Variants in FAM78B observed in about 807,000 individuals in gnomAD.
FAM78B encodes protein FAM78B.
Under a neutral mutation model 20.0 loss-of-function variants are expected in FAM78B, and 10 were observed. The observed-to-expected ratio is 0.50, with a 90% CI of 0.31 to 0.85. FAM78B has a LOEUF of 0.85. FAM78B is among the 40% of genes least tolerant of loss of function. The probability of loss-of-function intolerance (pLI) is 0.05; values close to 1 mark genes in which losing one functional copy is unlikely to be tolerated. For synonymous variants in FAM78B, 135 were observed against 132.8 expected, an observed-to-expected ratio of 1.02 and a Z score of -0.12; for missense variants, 283 against 345.0, an observed-to-expected ratio of 0.82 and a Z score of 1.42.
chr1:166,165,169 T>C (rs1446077583), intron 1 of FAM78B: 5 of 152,234 alleles, frequency 3.3e-5, no homozygotes, highest in Non-Finnish European at 7.3e-5. Flanking sequence ...AATTCGGCGG[T>C]GGGCGCCAGG....
chr1:166,122,860 CCT>C (rs762918969), intron 1 of FAM78B, among the ~76,000 whole-genome samples: 1 of 152,176 alleles, frequency 6.6e-6, no homozygotes, highest in African/African-American at 2.4e-5. Context: ...CTCCTGGAAG[CCT>C]CTGTTTTCAG....
At chr1:166,091,480 A>C (rs1158742996) in intron 1 of FAM78B, among the ~76,000 whole-genome samples, 1 of 152,200 alleles carries the variant, frequency 6.6e-6, no homozygotes, top group Non-Finnish European at 1.5e-5. Flanking sequence ...CCAAGACGTG[A>C]TTAGCTGCTC....
At chr1:166,104,441 A>G (rs1228913296) in intron 1 of FAM78B, among the ~76,000 whole-genome samples, 1 of 152,232 alleles carries the variant, frequency 6.6e-6, no homozygotes, top group Non-Finnish European at 1.5e-5. Context: ...ACATGATTGT[A>G]TATCTAGAAA....
At chr1:166,139,162 G>A (rs1382564794) in intron 1 of FAM78B, among the ~76,000 whole-genome samples, 1 of 152,172 alleles carries the variant, frequency 6.6e-6, no homozygotes, top group East Asian at 1.9e-4. Context: ...TAAAGGTATA[G>A]CAGCTTTGTT....
Position 166,166,293 on chromosome 1 carries a change from G to GGCCCGCGCGGGC in FAM78B, c.-57_-46dup. ...ACGGCGCGGCGTGGGGCAGCGCGGG[G>GGCCCGCGCGGGC]GCCCGCGCGGGCAGCCGGGGGCGCC... On this transcript the variant is annotated 5_prime_UTR_variant, in exon 1 of 2. Coordinates refer to ENST00000354422, the MANE Select transcript of FAM78B (RefSeq NM_001017961.5). The GGCCCGCGCGGGC allele has an allele frequency of 8.4e-7, 1 of 1,196,048 alleles. No homozygotes were observed. Among genetic ancestry groups the GGCCCGCGCGGGC allele is most frequent in the Non-Finnish European group, 1.0e-6 (1 of 964,396 alleles). 74.1% of individuals were successfully genotyped at this position (1,196,048 alleles called of 1,614,324 possible).
At chr1:166,109,890 G>GTATATATGTGTATATATA (rs1557903394) in intron 1 of FAM78B, among the ~76,000 whole-genome samples, 1 of 23,198 alleles carries the variant, frequency 4.3e-5, no homozygotes, top group Non-Finnish European at 1.1e-4. Flanking sequence ...ATGTATATAT[G>GTATATATGTGTATATATA]TATATATATA....
intron 1 of FAM78B, among the ~76,000 whole-genome samples, chr1:166,091,367 G>GTCT (rs1653063437): frequency 1.3e-5 from 2 of 152,110 alleles, no homozygotes. Context: ...ATGGGGGCAG[G>GTCT]TCTTTCTCTT....
chr1:166,082,405 T>C (rs1652617898), intron 1 of FAM78B, among the ~76,000 whole-genome samples: 1 of 152,222 alleles, frequency 6.6e-6, no homozygotes, highest in Non-Finnish European at 1.5e-5. Flanking sequence ...GGGGTCTCAC[T>C]ACCTTTCCCA....
In FAM78B at chr1:166,140,631, G is replaced by A. The variant is rs73046921; in HGVS notation, c.263+25355C>T. Reference sequence around the variant, plus strand: ...CTGATGCTGAATAAGCCATCAAGGCGTGCCTCAGTTTTCCTTACTGCAAAT... The same window carrying A: ...CTGATGCTGAATAAGCCATCAAGGCATGCCTCAGTTTTCCTTACTGCAAAT... On this transcript the variant is annotated intron_variant, in intron 1 of 1. Coordinates refer to ENST00000354422, the MANE Select transcript of FAM78B (RefSeq NM_001017961.5). 2.7e-3 allele frequency among the ~76,000 whole-genome samples: 406 copies of A among 152,334 alleles called. 3 individuals carry two copies. Among genetic ancestry groups the A allele is most frequent in the African/African-American group, 9.4e-3 (391 of 41,572 alleles).
rs1651929360 is a variant in FAM78B at position 166,069,473 on chromosome 1, A to ATAAC, written c.*764_*767dup. ...AAACATGGACAGGGCCCCAAATATCATAACTATTGCAGAATGTGGGAATTA... is the reference window on the plus strand; with the variant it reads ...AAACATGGACAGGGCCCCAAATATCATAACTAACTATTGCAGAATGTGGGAATTA... On this transcript the variant is annotated 3_prime_UTR_variant, in exon 2 of 2. Transcript: ENST00000354422. 2.6e-5 allele frequency: 4 copies of ATAAC among 152,230 alleles called. No homozygotes were observed. Among genetic ancestry groups the ATAAC allele is most frequent in the South Asian group, 2.1e-4 (1 of 4,836 alleles). The allele number at this position is 152,230 out of a possible 1,614,324, so 9.4% of individuals were successfully genotyped here.
At chr1:166,109,845 T>C (rs1290393226) in intron 1 of FAM78B, among the ~76,000 whole-genome samples, 10 of 29,742 alleles carry the variant, frequency 3.4e-4, no homozygotes, top group Admixed American at 4.9e-4. Context: ...TATATGTATA[T>C]ATATATATAT....
intron 1 of FAM78B, among the ~76,000 whole-genome samples, chr1:166,075,746 C>G (rs1213845831): frequency 6.6e-6 from 1 of 152,146 alleles, no homozygotes; most frequent in Non-Finnish European, 1.5e-5. Context: ...AGGCTTTGGT[C>G]TTCTTCTCTT....
chr1:166,152,526 T>A (rs772654514), intron 1 of FAM78B, among the ~76,000 whole-genome samples: 20 of 152,006 alleles, frequency 1.3e-4, no homozygotes, highest in Admixed American at 2.0e-4. Flanking sequence ...TCTTTCATAC[T>A]CCCTCTCTGC....
rs139848847 is a variant in FAM78B at position 166,106,101 on chromosome 1, C to G, written c.264-35338G>C. On this transcript the variant is annotated intron_variant, in intron 1 of 1. Transcript: ENST00000354422. ...AACCATCATTCTCAGCAAAGTATCACAAGGACGAAAAACCAAACACCGTAT... is the reference window on the plus strand; with the variant it reads ...AACCATCATTCTCAGCAAAGTATCAGAAGGACGAAAAACCAAACACCGTAT... 2.1e-3 allele frequency among the ~76,000 whole-genome samples: 317 copies of G among 150,784 alleles called. 6 individuals are homozygous for G. The East Asian group carries it at 0.045, about 21-fold the overall frequency.
intron 1 of FAM78B, among the ~76,000 whole-genome samples, chr1:166,111,128 A>T (rs1321366221): frequency 6.6e-6 from 1 of 152,166 alleles, no homozygotes; most frequent in Non-Finnish European, 1.5e-5. Context: ...ACCATCCCAC[A>T]AACACTAGCA....
exon 3 of FAM78B, chr1:166,057,814 C>G (rs1651407090): frequency 6.6e-6 from 1 of 152,168 alleles, no homozygotes; most frequent in Non-Finnish European, 1.5e-5. Flanking sequence ...CTGATATAGT[C>G]AGTCATAGCT....
At chr1:166,155,984 G>A (rs1655877021) in intron 1 of FAM78B, among the ~76,000 whole-genome samples, 1 of 152,192 alleles carries the variant, frequency 6.6e-6, no homozygotes, top group African/African-American at 2.4e-5. Flanking sequence ...TGCCCCAGAA[G>A]CCTCTGCCTG....
At position 166,109,838 on chromosome 1, in the gene FAM78B, A is replaced by ATATG. The variant is rs1469856162; in HGVS notation, c.264-39076_264-39075insCATA. On this transcript the variant is annotated intron_variant, in intron 1 of 1. Coordinates refer to ENST00000354422, the MANE Select transcript of FAM78B (RefSeq NM_001017961.5). Reference sequence around the variant, plus strand: ...TGTATATATATATATATATGTATATATGTATATATATATATATATATATGT... The same window carrying ATATG: ...TGTATATATATATATATATGTATATATATGTGTATATATATATATATATATATGT... Among the ~76,000 whole-genome samples, 5 of 21,186 alleles carry ATATG rather than the reference A, an allele frequency of 2.4e-4. 1 individual carries two copies. Among genetic ancestry groups the ATATG allele is most frequent in the East Asian group, 4.8e-3 (2 of 420 alleles). The allele number at this position is 21,186 out of a possible 152,430, so 13.9% of individuals were successfully genotyped here.
rs953781941 is a variant in FAM78B at position 166,101,739 on chromosome 1, T to C, written c.264-30976A>G. The stretch of plus-strand genomic sequence containing the variant: ...AGACCAAATCTACGTCTGATTGGTG[T>C]ACCTGAAAGTGACGGGGAGAATGGA... On this transcript the variant is annotated intron_variant, in intron 1 of 1. Coordinates refer to ENST00000354422, the MANE Select transcript of FAM78B (RefSeq NM_001017961.5). 1.9e-4 allele frequency among the ~76,000 whole-genome samples: 29 copies of C among 151,898 alleles called. 1 individual carries two copies. Among genetic ancestry groups the C allele is most frequent in the African/African-American group, 6.8e-4 (28 of 41,294 alleles).
Sources: allele counts gnomAD v4.1 joint callset (sites outside exome capture counted in the v4.1 genomes callset), GRCh38; gene constraint gnomAD v4.1.1; transcripts MANE v1.5; gene names NCBI Gene and HGNC (gene_info 2026-07-23, HGNC 2026-07-21).